The following MARF1 variants were observed in gnomAD, a reference collection of about 807,000 sequenced individuals.
MARF1 encodes the protein limkain-b1.
A neutral mutation model predicts 168.2 loss-of-function variants in MARF1; 24 were observed. The ratio of observed to expected loss-of-function variants is 0.14; its 90% CI spans 0.10 to 0.20. The LOEUF (loss-of-function observed/expected upper bound fraction) is 0.20, where lower values mean the gene tolerates loss of function less well. Ranked by LOEUF, MARF1 falls within the 10% of genes least tolerant of loss-of-function variation. The pLI is 1.00. For missense variants in MARF1, 1,744 were observed against 2,143.6 expected (o/e 0.81, Z 3.68); for synonymous variants, 868 against 822.4 (o/e 1.06, Z -0.95).
At chr16:15,617,271 T>G in intron 14 of MARF1, 28 bp downstream of exon 14, 1 of 1,610,372 alleles carries the variant, frequency 6.2e-7, no homozygotes, top group Non-Finnish European at 8.5e-7. Context: ...AGAAAAGAAT[T>G]ACTTCTAAAG....
At chr16:15,616,105 A>C (rs1180108309) in intron 15 of MARF1, 100 bp from the exon 16 acceptor site, 4 of 1,016,984 alleles carry the variant, frequency 3.9e-6, no homozygotes, top group Non-Finnish European at 5.3e-6. Flanking sequence ...TGTATGTGTT[A>C]ATCATTTGTC....
intron 26 of MARF1, 38 bp downstream of exon 26, chr16:15,598,816 C>G: frequency 6.2e-7 from 1 of 1,606,362 alleles, no homozygotes; most frequent in East Asian, 2.2e-5. Flanking sequence ...TGTTTTAAAC[C>G]CCGAAGAAAA....
At chr16:15,614,709 C>T (rs1398012578) in intron 16 of MARF1, among the ~76,000 whole-genome samples, 2 of 149,966 alleles carry the variant, frequency 1.3e-5, no homozygotes, top group African/African-American at 2.5e-5. Flanking sequence ...AGGGGAATGG[C>T]GTGAACTCAG....
chr16:15,625,918 A>G, intron 7 of MARF1, 118 bp from the exon 8 acceptor site: 1 of 735,116 alleles, frequency 1.4e-6, no homozygotes, highest in Non-Finnish European at 2.3e-6. Flanking sequence ...AGAAGATGAC[A>G]GTGATTTAGA....
At chr16:15,621,652 T>C in intron 12 of MARF1, 81 bp downstream of exon 12, 17 of 1,347,110 alleles carry the variant, frequency 1.3e-5, no homozygotes, top group South Asian at 2.7e-5. Context: ...GGGAATGTGA[T>C]TGAATCTATT....
chr16:15,636,998 AAT>A (rs933529209), intron 2 of MARF1, among the ~76,000 whole-genome samples: 3 of 152,210 alleles, frequency 2.0e-5, no homozygotes, highest in Non-Finnish European at 4.4e-5. Flanking sequence ...ATCCAAGACA[AAT>A]AGTTTGCCAC....
At chr16:15,621,022 G>GC (rs747670835) in intron 12 of MARF1, among the ~76,000 whole-genome samples, 32 of 151,692 alleles carry the variant, frequency 2.1e-4, no homozygotes, top group Non-Finnish European at 4.1e-4. Context: ...CCTGTGGATG[G>GC]TTTTTTTTCC....
At position 15,631,403 on chromosome 16, in the gene MARF1, T is replaced by A; in HGVS notation, c.1329A>T (p.Pro443=). The change falls in exon 6 of 27, where the codon CCA becomes CCT. Residue 443 remains proline, a synonymous_variant. Coordinates refer to ENST00000396368, the MANE Select transcript of MARF1 (RefSeq NM_014647.4). The stretch of plus-strand genomic sequence containing the variant: ...TACTTGACACAAGAACCACTGTGGC[T>A]GGAGCAGTGTGTGTATTTGCAAATC... ...LRRFANTHTA[P]ATVVLVSTDV... is the part of the protein sequence containing the mutation. The A allele has an allele frequency of 6.2e-7, 1 of 1,611,794 alleles. No homozygotes were observed. Among genetic ancestry groups the A allele is most frequent in the Non-Finnish European group, 8.5e-7 (1 of 1,178,146 alleles).
At position 15,615,834 on chromosome 16, in the gene MARF1, G is replaced by A. The variant is rs367618033; in HGVS notation, c.3249C>T (p.Asn1083=). Residue 1083 remains asparagine, a synonymous_variant, in exon 16 of 27, where the codon AAC becomes AAT. Coordinates refer to ENST00000396368, the MANE Select transcript of MARF1 (RefSeq NM_014647.4). ...GACAAAATACCTGACACCTACCAGTGTTGGGAGGCGGGGGCTTGTTGTGAA... is the reference window on the plus strand; with the variant it reads ...GACAAAATACCTGACACCTACCAGTATTGGGAGGCGGGGGCTTGTTGTGAA... The part of the protein sequence containing the change: ...KWIHNKPPPP[N]TDPWLLRSKS... 363 of 1,555,826 alleles carry A rather than the reference G, an allele frequency of 2.3e-4. 2 individuals carry two copies. The highest frequency in any genetic ancestry group is 1.2e-3 in the South Asian group (97 of 83,234).
intron 7 of MARF1, among the ~76,000 whole-genome samples, chr16:15,626,016 T>A (rs919348418): frequency 6.6e-6 from 1 of 152,162 alleles, no homozygotes; most frequent in Admixed American, 6.5e-5. Context: ...GGTGCATGCC[T>A]ACAGTCCCAG....
intron 13 of MARF1, among the ~76,000 whole-genome samples, chr16:15,618,132 G>A (rs532832076): frequency 6.6e-6 from 1 of 152,292 alleles, no homozygotes; most frequent in African/African-American, 2.4e-5. Context: ...TTTTCCATCT[G>A]TAAAATGGGG....
In MARF1 at chr16:15,631,420, T is replaced by C. The variant is rs1337607094; in HGVS notation, c.1312A>G (p.Asn438Asp). The change falls in exon 6 of 27, where the codon AAT (asparagine) becomes GAT (aspartate). Residue 438 changes from asparagine (N) to aspartate (D), a missense_variant. Coordinates refer to ENST00000396368, the MANE Select transcript of MARF1 (RefSeq NM_014647.4). The stretch of plus-strand genomic sequence containing the variant: ...ACTGTGGCTGGAGCAGTGTGTGTAT[T>C]TGCAAATCTGCGGAGACTCTGCCGC... ...KLRQSLRRFA[N>D]THTAPATVVL... The C allele has an allele frequency of 2.5e-6, 4 of 1,613,128 alleles. No homozygotes were observed. Among genetic ancestry groups the C allele is most frequent in the African/African-American group, 2.7e-5 (2 of 74,924 alleles).
chr16:15,624,443 G>A (rs1485233743), intron 10 of MARF1, among the ~76,000 whole-genome samples: 1 of 152,290 alleles, frequency 6.6e-6, no homozygotes, highest in East Asian at 1.9e-4. Flanking sequence ...AACCACCAAT[G>A]CACGGCTCGT....
At chr16:15,630,849 G>A (rs368504679) in intron 6 of MARF1, among the ~76,000 whole-genome samples, 79 of 151,146 alleles carry the variant, frequency 5.2e-4, no homozygotes, top group African/African-American at 1.7e-3. Context: ...ACCTGGTCCC[G>A]GCCGGGCGTG....
intron 12 of MARF1, among the ~76,000 whole-genome samples, chr16:15,620,960 A>G (rs150543597): frequency 1.2e-4 from 19 of 152,336 alleles, no homozygotes; most frequent in African/African-American, 4.6e-4. Context: ...AATCCAAACA[A>G]AACTAAAAGA....
chr16:15,622,779 AC>A (rs2034558089), intron 11 of MARF1, among the ~76,000 whole-genome samples, 154 bp downstream of exon 11: 1 of 152,162 alleles, frequency 6.6e-6, no homozygotes, highest in South Asian at 2.1e-4. Context: ...GATTTATAGC[AC>A]CACCCTGAGC....
At chr16:15,609,394 G>A in intron 20 of MARF1, 129 bp downstream of exon 20, 1 of 711,166 alleles carries the variant, frequency 1.4e-6, no homozygotes, top group Non-Finnish European at 2.3e-6. Context: ...TCTCTGACTG[G>A]AATAGCTTAG....
intron 17 of MARF1, 31 bp downstream of exon 17, chr16:15,612,526 T>C: frequency 6.3e-7 from 1 of 1,574,994 alleles, no homozygotes; most frequent in Non-Finnish European, 8.7e-7. Context: ...CATTCCTGCC[T>C]GTAAACAAGT....
At chr16:15,628,625 T>G (rs1462153353) in intron 7 of MARF1, among the ~76,000 whole-genome samples, 1 of 152,098 alleles carries the variant, frequency 6.6e-6, no homozygotes, top group African/African-American at 2.4e-5. Flanking sequence ...GCCAGGCTGG[T>G]CTCGAACTCC....
Sources: allele counts gnomAD v4.1 joint callset (sites outside exome capture counted in the v4.1 genomes callset), GRCh38; gene constraint gnomAD v4.1.1; transcripts MANE v1.5; gene names NCBI Gene and HGNC (gene_info 2026-07-23, HGNC 2026-07-21).